The following MARK4 variants were observed in gnomAD, a reference collection of about 807,000 sequenced individuals.
MARK4 encodes MAP/microtubule affinity-regulating kinase 4.
A neutral mutation model predicts 81.5 loss-of-function variants in MARK4; 19 were observed. That is an observed-to-expected ratio of 0.23 (90% CI 0.16 to 0.34). The LOEUF is 0.34. Among genes scored for constraint, MARK4 ranks in the 10% least tolerant of loss-of-function variants. MARK4 has a pLI of 1.00. For missense variants in MARK4, 772 were observed against 1,058.8 expected (o/e 0.73, Z 3.76); for synonymous variants, 436 against 439.0 (o/e 0.99, Z 0.08).
chr19:45,261,307 A>G (rs1465881350), intron 2 of MARK4, among the ~76,000 whole-genome samples: 1 of 152,218 alleles, frequency 6.6e-6, no homozygotes, highest in Non-Finnish European at 1.5e-5. Flanking sequence ...ATCTTATACA[A>G]AATATTAACA....
rs1045474061 is a variant in MARK4 at position 45,297,690 on chromosome 19, G to A, written c.1613G>A (p.Arg538Gln). 13 of 1,528,668 alleles carry A rather than the reference G, an allele frequency of 8.5e-6. No homozygotes were observed. The highest frequency in any genetic ancestry group is 2.8e-5 in the African/African-American group (2 of 71,902). The allele number at this position is 1,528,668 out of a possible 1,614,324, so 94.7% of individuals were successfully genotyped here. ...NGKENSSGTPRVPPASPSSHS... is the reference protein window; with the variant it reads ...NGKENSSGTPQVPPASPSSHS... ...TCTGCCCACAGCTCAGGCACCCCAC[G>A]GGTGCCCCCTGCCTCCCCCTCCAGT... Residue 538 changes from arginine to glutamine, a missense_variant, in exon 15 of 17, where the codon CGG becomes CAG. Around this residue, in one of 3 missense-constraint regions of MARK4, gnomAD observed 548 missense variants for 624.3 expected, o/e 0.88. Transcript: ENST00000262891.
At chr19:45,301,905 A>G (rs1970980488) in intron 16 of MARK4, among the ~76,000 whole-genome samples, 1 of 151,498 alleles carries the variant, frequency 6.6e-6, no homozygotes, top group Admixed American at 6.6e-5. Context: ...GAAATTTCTC[A>G]TTCAAACATT....
At chr19:45,268,816 CA>C (rs757071380) in intron 7 of MARK4, among the ~76,000 whole-genome samples, 5 of 151,972 alleles carry the variant, frequency 3.3e-5, no homozygotes, top group African/African-American at 7.3e-5. Context: ...AAAATGAAAA[CA>C]AAAAACAAAT....
At chr19:45,278,365 G>A (rs190127005) in intron 9 of MARK4, 151 bp from the exon 10 acceptor site, 22 of 735,374 alleles carry the variant, frequency 3.0e-5, no homozygotes, top group Middle Eastern at 7.5e-4. Flanking sequence ...CAGGGGACGT[G>A]GGGGAGAGAG....
In MARK4 at chr19:45,252,202, G is replaced by T. The variant is rs183259572; in HGVS notation, c.51+563G>T. 3.7e-3 allele frequency among the ~76,000 whole-genome samples: 558 copies of T among 151,988 alleles called. 8 individuals carry two copies. The Middle Eastern group carries it at 0.044, about 12-fold the overall frequency. On this transcript the variant is annotated intron_variant, in intron 1 of 16. Coordinates refer to ENST00000262891, the MANE Select transcript of MARK4 (RefSeq NM_001199867.2). ...TGTGGGCAGCCCCTGGCAGGAAGCTGGTTTCCACCTCTCCTGGGCCCCGGC... is the reference window on the plus strand; with the variant it reads ...TGTGGGCAGCCCCTGGCAGGAAGCTTGTTTCCACCTCTCCTGGGCCCCGGC...
At chr19:45,278,771 T>G (rs1260893592) in intron 10 of MARK4, among the ~76,000 whole-genome samples, 156 bp downstream of exon 10, 1 of 152,204 alleles carries the variant, frequency 6.6e-6, no homozygotes, top group Non-Finnish European at 1.5e-5. Flanking sequence ...GCCCGGCTAA[T>G]TTTTGTTATT....
At chr19:45,301,279 A>G (rs1192600690) in intron 16 of MARK4, among the ~76,000 whole-genome samples, 3 of 152,116 alleles carry the variant, frequency 2.0e-5, no homozygotes, top group African/African-American at 7.2e-5. Flanking sequence ...AAAACTAAGA[A>G]GTGGCCGGGC....
At chr19:45,295,027 G>T (rs557036724) in intron 14 of MARK4, among the ~76,000 whole-genome samples, 3 of 152,194 alleles carry the variant, frequency 2.0e-5, no homozygotes, top group East Asian at 3.9e-4. Flanking sequence ...GTTCCCACTG[G>T]GTGTGGGCAG....
In MARK4 at chr19:45,259,064, C is replaced by T. The variant is rs753786354; in HGVS notation, c.127C>T (p.Arg43Trp). 8 of 1,613,924 alleles carry T rather than the reference C, an allele frequency of 5.0e-6. No homozygotes were observed. The highest frequency in any genetic ancestry group is 3.3e-5 in the Admixed American group (2 of 59,992). The change falls in exon 2 of 17, where the codon CGG (arginine) becomes TGG (tryptophan). Residue 43 changes from arginine to tryptophan, a missense_variant. Arg to Trp is a moderately radical substitution (Grantham distance 101). This residue lies in a region of MARK4 where 115 missense variants were observed against 139.8 expected (regional missense o/e 0.82). Transcript: ENST00000262891. The part of the protein sequence containing the change: ...WSSRSLGARC[R>W]NSIASCPEEQ... ...CAGCCGCTCACTGGGTGCCCGTTGC[C>T]GGAACTCCATCGCCTCCTGTCCCGA...
At chr19:45,278,830 C>T (rs745842658) in intron 10 of MARK4, among the ~76,000 whole-genome samples, 3 of 152,186 alleles carry the variant, frequency 2.0e-5, no homozygotes, top group Non-Finnish European at 4.4e-5. Flanking sequence ...GTCTCAAACT[C>T]CTGACCTCAG....
intron 14 of MARK4, 64 bp downstream of exon 14, chr19:45,294,516 T>C: frequency 7.2e-7 from 1 of 1,387,570 alleles, no homozygotes; most frequent in Non-Finnish European, 1.0e-6. Context: ...AGGACCTCCC[T>C]TGATCTGAGA....
At chr19:45,272,192 C>G (rs946295562) in intron 8 of MARK4, among the ~76,000 whole-genome samples, 7 of 152,022 alleles carry the variant, frequency 4.6e-5, no homozygotes, top group Non-Finnish European at 8.8e-5. Flanking sequence ...ATTAACCGGG[C>G]ATAATGGCGC....
chr19:45,266,678 AGCCCCAGAGTCACTCT>A (rs1970458026), intron 7 of MARK4, among the ~76,000 whole-genome samples: 1 of 150,606 alleles, frequency 6.6e-6, no homozygotes, highest in Non-Finnish European at 1.5e-5. Context: ...TAGGTTGCAG[AGCCCCAGAGTCACTCT>A]GCCCACAGGG....
chr19:45,274,814 C>G (rs558724966), intron 8 of MARK4, among the ~76,000 whole-genome samples: 2 of 152,314 alleles, frequency 1.3e-5, no homozygotes, highest in South Asian at 4.1e-4. Flanking sequence ...TTTCTGCCAT[C>G]CTGGTGTCCC....
chr19:45,299,878 G>T lies in MARK4; in HGVS notation c.1922+23G>T. 3 of 1,583,490 alleles carry T rather than the reference G, an allele frequency of 1.9e-6. No homozygotes were observed. The South Asian group carries it at 3.4e-5, about 18-fold the overall frequency. On this transcript the variant is annotated intron_variant, in intron 16 of 16. Transcript: ENST00000262891. Reference sequence around the variant, plus strand: ...AAGGTGAGTGCTTGGGCCTACCCCTGACTGCCACTTCCCCTCTCCTGCCTC... The same window carrying T: ...AAGGTGAGTGCTTGGGCCTACCCCTTACTGCCACTTCCCCTCTCCTGCCTC...
At chr19:45,286,731 A>G (rs1047699807) in intron 12 of MARK4, among the ~76,000 whole-genome samples, 12 of 152,102 alleles carry the variant, frequency 7.9e-5, no homozygotes, top group African/African-American at 2.7e-4. Context: ...AATTAAAAAA[A>G]AGAAGGAAAC....
At chr19:45,258,220 C>A (rs1231042501) in intron 1 of MARK4, among the ~76,000 whole-genome samples, 1 of 151,884 alleles carries the variant, frequency 6.6e-6, no homozygotes, top group African/African-American at 2.4e-5. Context: ...CTCCTGACCT[C>A]ATGATCCACC....
intron 10 of MARK4, among the ~76,000 whole-genome samples, chr19:45,279,889 A>AT (rs962435405): frequency 2.6e-5 from 4 of 152,172 alleles, no homozygotes; most frequent in Admixed American, 2.6e-4. Flanking sequence ...GAACACACTA[A>AT]TTAGCCAGAC....
At chr19:45,293,326 AAGAC>A (rs1210453995) in intron 13 of MARK4, among the ~76,000 whole-genome samples, 1 of 152,176 alleles carries the variant, frequency 6.6e-6, no homozygotes, top group Non-Finnish European at 1.5e-5. Context: ...TTAAGGAAAA[AAGAC>A]AGCAAACATG....
Sources: allele counts gnomAD v4.1 joint callset (sites outside exome capture counted in the v4.1 genomes callset), GRCh38; gene constraint gnomAD v4.1.1; regional missense constraint gnomAD v4.1.1; transcripts MANE v1.5; gene names NCBI Gene and HGNC (gene_info 2026-07-23, HGNC 2026-07-21).